KCNT1: variants seen among roughly 807,000 people sequenced by gnomAD.
KCNT1 encodes potassium channel subfamily T member 1.
In KCNT1, 78 loss-of-function variants were observed where a neutral mutation model predicts 147.8. The observed-to-expected ratio is 0.53, with a 90% CI of 0.44 to 0.64. The LOEUF (loss-of-function observed/expected upper bound fraction) is 0.64, where lower values mean the gene tolerates loss of function less well. KCNT1 is among the 30% of genes least tolerant of loss of function. The pLI is 0.00. For missense variants in KCNT1, 1,419 were observed against 1,750.3 expected (o/e 0.81, Z 3.38); for synonymous variants, 867 against 748.8 (o/e 1.16, Z -2.58).
intron 24 of KCNT1, among the ~76,000 whole-genome samples, chr9:135,782,407 C>T (rs570951273): frequency 1.3e-5 from 2 of 152,332 alleles, no homozygotes; most frequent in African/African-American, 4.8e-5. Flanking sequence ...ATTGCTTTCA[C>T]ATGGTCAGCC....
At chr9:135,780,458 C>T (rs1456227183) in intron 24 of KCNT1, among the ~76,000 whole-genome samples, 2 of 152,194 alleles carry the variant, frequency 1.3e-5, no homozygotes, top group East Asian at 1.9e-4. Flanking sequence ...CACCTGAACC[C>T]GATGGAGAGT....
chr9:135,777,572 C>T, intron 21 of KCNT1, 62 bp downstream of exon 21: 3 of 1,512,718 alleles, frequency 2.0e-6, no homozygotes, highest in South Asian at 1.2e-5. Flanking sequence ...CAGCCAGCAG[C>T]CTCCCCAACT....
At chr9:135,771,713 C>T (rs537422906) in intron 18 of KCNT1, among the ~76,000 whole-genome samples, 16 of 152,336 alleles carry the variant, frequency 1.1e-4, no homozygotes, top group African/African-American at 3.8e-4. Flanking sequence ...GGTCAGGCTG[C>T]CTCTGAGCAG....
Position 135,785,551 on chromosome 9 carries a change from G to A in KCNT1, c.3177+221G>A, listed in dbSNP as rs749191609. The A allele has an allele frequency of 6.0e-6, 4 of 663,386 alleles. No individual in the cohort carries two copies. In the South Asian group the frequency reaches 7.0e-5, roughly 12 times the overall value. 41.1% of individuals were successfully genotyped at this position (663,386 alleles called of 1,614,324 possible). ...CTGGTGGTGGGGAAGCTGAGGCCTG[G>A]GGGGAGTAGCCTGTGAGTTTGGACA... On this transcript the variant is annotated intron_variant, in intron 28 of 30. Coordinates refer to ENST00000371757, the MANE Select transcript of KCNT1 (RefSeq NM_020822.3).
chr9:135,744,068 T>G (rs899240691), intron 2 of KCNT1, among the ~76,000 whole-genome samples: 2 of 152,116 alleles, frequency 1.3e-5, no homozygotes, highest in African/African-American at 4.8e-5. Context: ...ACCCAGCCAC[T>G]GCCAGAGAGA....
chr9:135,763,956 C>T (rs1004825649), intron 11 of KCNT1, among the ~76,000 whole-genome samples: 31 of 152,108 alleles, frequency 2.0e-4, no homozygotes, highest in Non-Finnish European at 2.4e-4. Flanking sequence ...GCACCATCCG[C>T]GGGGAAGCCT....
intron 1 of KCNT1, among the ~76,000 whole-genome samples, 170 bp downstream of exon 1, chr9:135,702,538 T>A (rs548237106): frequency 7.9e-5 from 12 of 152,062 alleles, no homozygotes; most frequent in Middle Eastern, 6.8e-3. Flanking sequence ...GGGGCGCCCC[T>A]CAGGGTGGGC....
At chr9:135,738,165 C>G (rs1449782206) in intron 2 of KCNT1, among the ~76,000 whole-genome samples, 1 of 152,226 alleles carries the variant, frequency 6.6e-6, no homozygotes, top group Admixed American at 6.5e-5. Context: ...TAGCCTAGGC[C>G]CACCTCCTCC....
chr9:135,752,645 G>A lies in KCNT1; in HGVS notation c.435-1292G>A, dbSNP rs1441144870. ...GTGGATGATGGATGGATGGACGGAC[G>A]GACGGATGGACGGATGGATGGAGTG... On this transcript the variant is annotated intron_variant, in intron 4 of 30. Transcript: ENST00000371757. The surrounding 1 kb of genome is among the most constrained non-coding windows in gnomAD (Gnocchi z 5.1). Among the ~76,000 whole-genome samples the A allele has an allele frequency of 7.0e-6, 1 of 143,262 alleles. No homozygotes were observed. Among genetic ancestry groups the A allele is most frequent in the East Asian group, 2.0e-4 (1 of 5,056 alleles). 94.0% of individuals were successfully genotyped at this position (143,262 alleles called of 152,430 possible).
chr9:135,757,116 C>T, intron 7 of KCNT1, 40 bp from the exon 8 acceptor site: 1 of 1,343,522 alleles, frequency 7.4e-7, no homozygotes, highest in Non-Finnish European at 1.1e-6. Flanking sequence ...CCCACCCCCA[C>T]CCTCCATCGC....
intron 23 of KCNT1, 117 bp from the exon 24 acceptor site, chr9:135,779,242 C>A: frequency 1.5e-6 from 1 of 648,450 alleles, no homozygotes; most frequent in South Asian, 1.7e-5. Flanking sequence ...CCCTGAGACC[C>A]CCCCACAGCC....
chr9:135,766,134 C>A (rs964377932), intron 13 of KCNT1, among the ~76,000 whole-genome samples: 4 of 149,884 alleles, frequency 2.7e-5, no homozygotes, highest in South Asian at 4.3e-4. Context: ...CTGGGATGGA[C>A]CATTTAGTGT....
intron 2 of KCNT1, among the ~76,000 whole-genome samples, chr9:135,742,295 C>T (rs952587512): frequency 1.3e-5 from 2 of 152,232 alleles, no homozygotes; most frequent in Non-Finnish European, 2.9e-5. Flanking sequence ...GAGCTCACCG[C>T]GCTCGCTTCT....
At chr9:135,736,151 A>G (rs555302625) in intron 2 of KCNT1, among the ~76,000 whole-genome samples, 3 of 152,206 alleles carry the variant, frequency 2.0e-5, no homozygotes, top group East Asian at 1.9e-4. Context: ...AAACTCAGCC[A>G]TCACCCCCCT....
At chr9:135,784,176 C>T (rs1190264195) in intron 25 of KCNT1, 51 bp downstream of exon 25, 2 of 1,376,454 alleles carry the variant, frequency 1.5e-6, no homozygotes, top group Middle Eastern at 1.8e-4. Context: ...GGACCCCCGT[C>T]ATGCCCTCAG....
intron 2 of KCNT1, among the ~76,000 whole-genome samples, chr9:135,718,025 G>A (rs1015533613): frequency 1.3e-5 from 2 of 152,220 alleles, no homozygotes; most frequent in Non-Finnish European, 2.9e-5. Flanking sequence ...CGCACGTGGG[G>A]ACCCCAGCCC....
intron 2 of KCNT1, among the ~76,000 whole-genome samples, chr9:135,734,059 C>G (rs1273954744): frequency 6.6e-6 from 1 of 152,156 alleles, no homozygotes; most frequent in Non-Finnish European, 1.5e-5. Flanking sequence ...ACTCAGCTCG[C>G]GGTAGGCAAA....
rs1341175923 is a variant in KCNT1, at chr9:135,758,451, C to T, written c.797C>T (p.Ala266Val). Residue 266 changes from alanine (A) to valine (V), a missense_variant, in exon 10 of 31, where the codon GCC becomes GTC. Ala to Val is a moderately conservative substitution (Grantham distance 64). Coordinates refer to ENST00000371757, the MANE Select transcript of KCNT1 (RefSeq NM_020822.3). ...CGTGCCATCCTGCGGACACAGTCAGCCATGTTCAACCAGGTCCTCATCCTC... is the reference window on the plus strand; with the variant it reads ...CGTGCCATCCTGCGGACACAGTCAGTCATGTTCAACCAGGTCCTCATCCTC... ...FHRAILRTQS[A>V]MFNQVLILFC... is the part of the protein sequence containing the mutation. 1 of 1,613,604 alleles carries T rather than the reference C, an allele frequency of 6.2e-7. No homozygotes were observed. Among genetic ancestry groups the T allele is most frequent in the Admixed American group, 1.7e-5 (1 of 60,022 alleles).
chr9:135,717,727 G>A (rs571863672), intron 2 of KCNT1, among the ~76,000 whole-genome samples: 11 of 152,324 alleles, frequency 7.2e-5, no homozygotes, highest in South Asian at 2.1e-4. Flanking sequence ...CTAGGAGCCC[G>A]GGGAACCCCC....
Sources: allele counts gnomAD v4.1 joint callset (sites outside exome capture counted in the v4.1 genomes callset), GRCh38; gene constraint gnomAD v4.1.1; non-coding constraint Gnocchi (gnomAD v3.1); transcripts MANE v1.5; gene names NCBI Gene and HGNC (gene_info 2026-07-23, HGNC 2026-07-21).